GRID1: variants seen among roughly 807,000 people sequenced by gnomAD.
The protein encoded by GRID1 is glutamate receptor ionotropic, delta-1.
Under a neutral mutation model 98.0 loss-of-function variants are expected in GRID1, and 28 were observed. That is an observed-to-expected ratio of 0.29 (90% CI 0.21 to 0.39). The LOEUF is 0.39. GRID1 is among the 10% of genes least tolerant of loss of function. The probability of loss-of-function intolerance (pLI) is 1.00; values close to 1 mark genes in which losing one functional copy is unlikely to be tolerated. For synonymous variants in GRID1, 553 were observed against 538.5 expected (o/e 1.03, Z -0.37); for missense variants, 1,111 against 1,340.5 (o/e 0.83, Z 2.67).
At chr10:85,706,729 C>A (rs1260998969) in intron 12 of GRID1, among the ~76,000 whole-genome samples, 4 of 152,224 alleles carry the variant, frequency 2.6e-5, no homozygotes, top group Middle Eastern at 3.4e-3. Context: ...AGGCTACAGT[C>A]ACCAAAACAG....
intron 2 of GRID1, among the ~76,000 whole-genome samples, chr10:86,313,669 C>T (rs1236399034): frequency 1.3e-5 from 2 of 152,192 alleles, no homozygotes; most frequent in Admixed American, 1.3e-4. Flanking sequence ...AAACCCTCTT[C>T]CAATCCAAAA....
intron 5 of GRID1, among the ~76,000 whole-genome samples, chr10:85,892,321 A>G (rs1365428087): frequency 6.6e-6 from 1 of 151,774 alleles, no homozygotes; most frequent in Middle Eastern, 3.2e-3. Context: ...GAAGAGAGAG[A>G]AGGGGATACA....
rs114849417 is a variant in GRID1, at chr10:85,638,949, T to C, written c.2193+8253A>G. Among the ~76,000 whole-genome samples, 368 of 152,304 alleles carry C rather than the reference T, an allele frequency of 2.4e-3. 4 individuals are homozygous for C. The highest frequency in any genetic ancestry group is 8.4e-3 in the African/African-American group (349 of 41,572). ...GGCAACACTAATGCAGGATAGGACA[T>C]TCAGCAACTGAGACTTACAAGTATA... On this transcript the variant is annotated intron_variant, in intron 13 of 15. Transcript: ENST00000327946.
chr10:85,681,340 T>C (rs1291011243), intron 12 of GRID1, among the ~76,000 whole-genome samples: 4 of 152,106 alleles, frequency 2.6e-5, no homozygotes, highest in East Asian at 3.9e-4. Context: ...GTATTATCTA[T>C]TTTTTTCTAA....
chr10:85,859,365 A>G (rs1186533895), intron 6 of GRID1, among the ~76,000 whole-genome samples: 2 of 151,984 alleles, frequency 1.3e-5, no homozygotes, highest in African/African-American at 4.8e-5. Context: ...GGATGGATGG[A>G]TGGGTGGATG....
chr10:85,644,718 G>GT (rs1843164056), intron 13 of GRID1, among the ~76,000 whole-genome samples: 1 of 152,166 alleles, frequency 6.6e-6, no homozygotes, highest in African/African-American at 2.4e-5. Context: ...CATACAGTAT[G>GT]TAAGTGTCCC....
intron 12 of GRID1, among the ~76,000 whole-genome samples, chr10:85,657,173 C>A (rs747117456): frequency 6.6e-6 from 1 of 152,188 alleles, no homozygotes; most frequent in South Asian, 2.1e-4. Flanking sequence ...TTCTCCAGGA[C>A]GCCTTTGCTG....
At chr10:85,758,140 G>C (rs950852245) in intron 8 of GRID1, among the ~76,000 whole-genome samples, 3 of 152,176 alleles carry the variant, frequency 2.0e-5, no homozygotes, top group Non-Finnish European at 4.4e-5. Flanking sequence ...AGCATTTGAG[G>C]AAAGTTTTAT....
chr10:86,355,836 C>G (rs1848527085), intron 2 of GRID1, among the ~76,000 whole-genome samples: 1 of 152,240 alleles, frequency 6.6e-6, no homozygotes, highest in Admixed American at 6.5e-5. Flanking sequence ...GATGCGTGGT[C>G]TCTGCCCCAG....
At chr10:85,820,113 G>GGAAA (rs1554833355) in intron 8 of GRID1, among the ~76,000 whole-genome samples, 2 of 109,340 alleles carry the variant, frequency 1.8e-5, no homozygotes, top group Non-Finnish European at 3.7e-5. Flanking sequence ...AAGGGAGGAA[G>GGAAA]GAAAGAAAGA....
intron 5 of GRID1, among the ~76,000 whole-genome samples, chr10:85,885,101 C>A (rs1186699736): frequency 6.6e-6 from 1 of 152,180 alleles, no homozygotes; most frequent in East Asian, 1.9e-4. Flanking sequence ...ACTGAGAATG[C>A]ACTGAATCTT....
At chr10:86,363,609 C>G (rs560972262) in intron 2 of GRID1, among the ~76,000 whole-genome samples, 7 of 152,188 alleles carry the variant, frequency 4.6e-5, no homozygotes, top group African/African-American at 9.6e-5. Flanking sequence ...CCCCAAACAC[C>G]GAGAAACAAA....
intron 2 of GRID1, among the ~76,000 whole-genome samples, chr10:86,218,568 C>T (rs889819359): frequency 2.0e-5 from 3 of 152,212 alleles, no homozygotes; most frequent in Non-Finnish European, 2.9e-5. Context: ...CAGGATATAG[C>T]GCAGGGTCTG....
At chr10:86,006,712 T>C (rs971504281) in intron 4 of GRID1, among the ~76,000 whole-genome samples, 3 of 152,016 alleles carry the variant, frequency 2.0e-5, no homozygotes, top group Non-Finnish European at 2.9e-5. Flanking sequence ...ATTTTTTTTT[T>C]CTTTATGAAC....
At chr10:86,352,073 C>T (rs1270944036) in intron 2 of GRID1, among the ~76,000 whole-genome samples, 10 of 152,286 alleles carry the variant, frequency 6.6e-5, no homozygotes, top group African/African-American at 2.4e-4. Context: ...GAGGCCGAGG[C>T]GAGCGGATCA....
In GRID1 at chr10:85,988,958, G is replaced by T. The variant is rs138062231; in HGVS notation, c.727-72719C>A. On this transcript the variant is annotated intron_variant, in intron 4 of 15. Transcript: ENST00000327946. ...TGGGGCCACATGGGGAAGCCCCAGGGTGAGTCAGGTCACAGGGAGCAGGAG... is the reference window on the plus strand; with the variant it reads ...TGGGGCCACATGGGGAAGCCCCAGGTTGAGTCAGGTCACAGGGAGCAGGAG... 9.0e-4 allele frequency among the ~76,000 whole-genome samples: 137 copies of T among 152,364 alleles called. No homozygotes were observed. In the East Asian group the frequency reaches 0.025, roughly 27 times the overall value.
chr10:85,738,757 T>C (rs1431205184), intron 8 of GRID1, among the ~76,000 whole-genome samples: 1 of 152,202 alleles, frequency 6.6e-6, no homozygotes, highest in Non-Finnish European at 1.5e-5. Context: ...GGAGACTGCG[T>C]GCTTTACGAT....
chr10:86,207,349 C>A (rs879149743), intron 2 of GRID1, among the ~76,000 whole-genome samples: 2 of 152,174 alleles, frequency 1.3e-5, no homozygotes, highest in African/African-American at 4.8e-5. Context: ...AAGACGTTCC[C>A]GCCACTCAGG....
chr10:86,311,960 C>G lies in GRID1; in HGVS notation c.235+51981G>C, dbSNP rs552157885. On this transcript the variant is annotated intron_variant, in intron 2 of 15. Transcript: ENST00000327946. Reference sequence around the variant, plus strand: ...CTGAGATTCTCACAGATTATTCAAACCAGGGTATCCACCAATGTAAACAGA... The same window carrying G: ...CTGAGATTCTCACAGATTATTCAAAGCAGGGTATCCACCAATGTAAACAGA... Among the ~76,000 whole-genome samples, 7 of 152,352 alleles carry G rather than the reference C, an allele frequency of 4.6e-5. No individual in the cohort carries two copies. The South Asian group carries it at 1.2e-3, about 27-fold the overall frequency.
Sources: gnomAD v4.1 joint callset for allele counts (sites outside exome capture counted in the v4.1 genomes callset) on GRCh38, gnomAD v4.1.1 for gene constraint, MANE v1.5 for transcripts, NCBI Gene and HGNC (gene_info 2026-07-23, HGNC 2026-07-21) for gene names.